GULP1: variants seen among roughly 807,000 people sequenced by gnomAD.
The protein encoded by GULP1 is GULP PTB domain containing engulfment adaptor 1, also known as PTB domain-containing engulfment adapter protein 1.
GULP1 carries 19 observed loss-of-function variants against 40.9 expected under a neutral mutation model. That is an observed-to-expected ratio of 0.46 (90% CI 0.32 to 0.68). The LOEUF (loss-of-function observed/expected upper bound fraction) is 0.68. Among genes scored for constraint, GULP1 ranks in the 30% least tolerant of loss-of-function variants. The probability of loss-of-function intolerance (pLI) is 0.03; values close to 1 mark genes in which losing one functional copy is unlikely to be tolerated. For missense variants in GULP1, 312 were observed against 362.2 expected (o/e 0.86, Z 1.12); for synonymous variants, 119 against 117.6 (o/e 1.01, Z -0.08).
At chr2:188,588,051 C>T (rs763817735) in intron 11 of GULP1, 102 bp downstream of exon 11, 20 of 751,976 alleles carry the variant, frequency 2.7e-5, no homozygotes, top group Admixed American at 7.7e-5. Context: ...CAATTATTTT[C>T]GCTATAAAAA....
At chr2:188,521,937 A>G (rs2153225712) in intron 4 of GULP1, among the ~76,000 whole-genome samples, 1 of 152,182 alleles carries the variant, frequency 6.6e-6, no homozygotes, top group Non-Finnish European at 1.5e-5. Flanking sequence ...TGAGCCAGGC[A>G]CAGTGGCGGG....
At chr2:188,591,041 T>A (rs1316375474) in intron 11 of GULP1, 1 of 152,096 alleles carries the variant, frequency 6.6e-6, no homozygotes, top group East Asian at 1.9e-4. Flanking sequence ...TTTTAAAATT[T>A]ACTGTCTAAA....
rs1386005822 is a variant in GULP1 at position 188,570,132 on chromosome 2, G to GA, written c.609+14dup. 3 of 1,084,960 alleles carry GA rather than the reference G, an allele frequency of 2.8e-6. No homozygotes were observed. The highest frequency in any genetic ancestry group is 1.6e-5 in the African/African-American group (1 of 62,166). 67.2% of individuals were successfully genotyped at this position (1,084,960 alleles called of 1,614,324 possible). A position where few individuals can be genotyped will look rare whatever the true frequency, so the allele number is the denominator to read the frequency against. ...TATCAGCACCTCCAGTGAGTATATT[G>GA]AATATCCTTAGAAACAAGATTTTAT... On this transcript the variant is annotated intron_variant, in intron 9 of 11. Coordinates refer to ENST00000409830, the MANE Select transcript of GULP1 (RefSeq NM_016315.4).
At chr2:188,346,931 A>G (rs1382530136) in intron 1 of GULP1, among the ~76,000 whole-genome samples, 5 of 150,910 alleles carry the variant, frequency 3.3e-5, no homozygotes, top group Non-Finnish European at 5.9e-5. Flanking sequence ...AGATCGTGCC[A>G]CTGTACTCCA....
rs2063308834 is a variant in GULP1 at position 188,500,249 on chromosome 2, A to G, written c.90+16757A>G. Among the ~76,000 whole-genome samples, 2 of 151,914 alleles carry G rather than the reference A, an allele frequency of 1.3e-5. 1 individual carries two copies. The highest frequency in any genetic ancestry group is 4.1e-4 in the South Asian group (2 of 4,830). On this transcript the variant is annotated intron_variant, in intron 4 of 11. Coordinates refer to ENST00000409830, the MANE Select transcript of GULP1 (RefSeq NM_016315.4). ...GCCTGAAAACCTGCATTTTGACACAATGTACGTGAGAAACACTGGGAAATA... is the reference window on the plus strand; with the variant it reads ...GCCTGAAAACCTGCATTTTGACACAGTGTACGTGAGAAACACTGGGAAATA...
At chr2:188,408,342 C>A (rs896951867) in intron 2 of GULP1, among the ~76,000 whole-genome samples, 9 of 151,904 alleles carry the variant, frequency 5.9e-5, no homozygotes, top group African/African-American at 2.2e-4. Context: ...GTTATAGTAA[C>A]AGAAAATGGA....
At chr2:188,331,842 T>A (rs1030300067) in intron 1 of GULP1, among the ~76,000 whole-genome samples, 1 of 152,236 alleles carries the variant, frequency 6.6e-6, no homozygotes, top group African/African-American at 2.4e-5. Context: ...CATATAACTT[T>A]TATCATTAAA....
intron 6 of GULP1, among the ~76,000 whole-genome samples, chr2:188,535,805 T>C (rs1688792500): frequency 6.6e-6 from 1 of 152,204 alleles, no homozygotes; most frequent in Admixed American, 6.5e-5. Flanking sequence ...TAAATTACAT[T>C]CCCACCAATA....
In GULP1 at chr2:188,292,401, T is replaced by A. The variant is rs938404886; in HGVS notation, c.-172+235T>A. On this transcript the variant is annotated intron_variant, in intron 1 of 11. Coordinates refer to ENST00000409830, the MANE Select transcript of GULP1 (RefSeq NM_016315.4). The surrounding 1 kb of genome is among the most constrained non-coding windows in gnomAD (Gnocchi z 4.0). ...AGCACTAAAGGAGGCTAAGACCTGTTGACGCCTGCTATGGCAGCGCTTGAG... is the reference window on the plus strand; with the variant it reads ...AGCACTAAAGGAGGCTAAGACCTGTAGACGCCTGCTATGGCAGCGCTTGAG... Among the ~76,000 whole-genome samples the A allele has an allele frequency of 1.8e-4, 28 of 152,326 alleles. No homozygotes were observed. Among genetic ancestry groups the A allele is most frequent in the African/African-American group, 6.3e-4 (26 of 41,574 alleles).
intron 2 of GULP1, among the ~76,000 whole-genome samples, chr2:188,449,344 T>C (rs559328060): frequency 1.3e-5 from 2 of 152,302 alleles, no homozygotes; most frequent in African/African-American, 2.4e-5. Flanking sequence ...TACTATTTTT[T>C]CTTGTTTCGT....
intron 7 of GULP1, among the ~76,000 whole-genome samples, chr2:188,563,914 A>AT (rs1398218336): frequency 3.9e-5 from 6 of 151,930 alleles, no homozygotes; most frequent in Non-Finnish European, 8.8e-5. Context: ...CAATATATAA[A>AT]ATAGATAGTA....
At chr2:188,545,566 C>G (rs753230870) in intron 7 of GULP1, among the ~76,000 whole-genome samples, 5 of 151,516 alleles carry the variant, frequency 3.3e-5, no homozygotes, top group Non-Finnish European at 7.4e-5. Context: ...CAATAACAAC[C>G]ATTAACACGT....
intron 2 of GULP1, among the ~76,000 whole-genome samples, chr2:188,402,793 A>G (rs1575028608): frequency 6.6e-6 from 1 of 151,940 alleles, no homozygotes; most frequent in Non-Finnish European, 1.5e-5. Flanking sequence ...AGGATTTTTA[A>G]CAGTAATAAT....
intron 4 of GULP1, among the ~76,000 whole-genome samples, chr2:188,520,554 T>C (rs952810096): frequency 1.9e-4 from 28 of 150,076 alleles, no homozygotes; most frequent in African/African-American, 6.4e-4. Context: ...AAAAAGTAAC[T>C]GTTGTCCCTT....
At chr2:188,463,944 A>T (rs1262827732) in intron 2 of GULP1, among the ~76,000 whole-genome samples, 1 of 151,936 alleles carries the variant, frequency 6.6e-6, no homozygotes, top group Non-Finnish European at 1.5e-5. Flanking sequence ...AGTTTTTTTC[A>T]TTCAGATATT....
At chr2:188,307,469 T>G (rs1168087450) in intron 1 of GULP1, among the ~76,000 whole-genome samples, 1 of 151,988 alleles carries the variant, frequency 6.6e-6, no homozygotes, top group East Asian at 1.9e-4. Context: ...AATATGGTAG[T>G]AGGAAGTTTA....
intron 4 of GULP1, among the ~76,000 whole-genome samples, chr2:188,492,495 A>G (rs761606710): frequency 1.3e-5 from 2 of 152,022 alleles, no homozygotes; most frequent in Non-Finnish European, 2.9e-5. Context: ...TTTTCTAAGC[A>G]TTTCACATCT....
At chr2:188,491,911 C>T (rs887699646) in intron 4 of GULP1, among the ~76,000 whole-genome samples, 2 of 152,030 alleles carry the variant, frequency 1.3e-5, no homozygotes, top group Non-Finnish European at 2.9e-5. Flanking sequence ...GAATAGTCTC[C>T]TGTTGTGCAC....
In GULP1 at chr2:188,368,961, A is replaced by G. The variant is rs1256916931; in HGVS notation, c.-171-14802A>G. On this transcript the variant is annotated intron_variant, in intron 1 of 11. Transcript: ENST00000409830. ...TGTGTATATATATATATATATATAT[A>G]TATATATATATATATATTTGAGACA... Among the ~76,000 whole-genome samples the G allele has an allele frequency of 1.1e-3, 140 of 125,716 alleles. 1 individual carries two copies. Among genetic ancestry groups the G allele is most frequent in the African/African-American group, 4.9e-3 (136 of 27,680 alleles). The allele number at this position is 125,716 out of a possible 152,430, so 82.5% of individuals were successfully genotyped here.
Sources: gnomAD v4.1 joint callset for allele counts (sites outside exome capture counted in the v4.1 genomes callset) on GRCh38, gnomAD v4.1.1 for gene constraint, Gnocchi (gnomAD v3.1) non-coding constraint, MANE v1.5 for transcripts, NCBI Gene and HGNC (gene_info 2026-07-23, HGNC 2026-07-21) for gene names.